B3GALT1: variants seen among roughly 807,000 people sequenced by gnomAD.
The protein encoded by B3GALT1 is UDP-Gal:betaGlcNAc beta 1,3-galactosyltransferase, polypeptide 1.
B3GALT1 carries 10 observed loss-of-function variants against 23.2 expected under a neutral mutation model. That is an observed-to-expected ratio of 0.43 (90% CI 0.27 to 0.73). The LOEUF (loss-of-function observed/expected upper bound fraction) is 0.73. Among genes scored for constraint, B3GALT1 ranks in the 30% least tolerant of loss-of-function variants. The pLI is 0.21. For missense variants in B3GALT1, 299 were observed against 405.4 expected, an observed-to-expected ratio of 0.74 and a Z score of 2.25; for synonymous variants, 156 against 141.5, an observed-to-expected ratio of 1.10 and a Z score of -0.73.
At chr2:167,857,357 G>T (rs1051506139) in intron 4 of B3GALT1, among the ~76,000 whole-genome samples, 5 of 152,056 alleles carry the variant, frequency 3.3e-5, no homozygotes, top group Non-Finnish European at 7.4e-5. Flanking sequence ...GAAGAGTCCA[G>T]CATAGCCTGA....
intron 2 of B3GALT1, among the ~76,000 whole-genome samples, chr2:167,542,703 C>G (rs1320290098): frequency 2.0e-5 from 3 of 151,958 alleles, no homozygotes; most frequent in Non-Finnish European, 4.4e-5. Context: ...AAGTGGAATT[C>G]TGCTTCTCCT....
intron 3 of B3GALT1, among the ~76,000 whole-genome samples, chr2:167,771,683 T>C (rs1178966802): frequency 1.3e-5 from 2 of 152,246 alleles, no homozygotes; most frequent in African/African-American, 2.4e-5. Flanking sequence ...GAATGTATTG[T>C]TTCATGTATA....
chr2:167,768,579 T>C (rs867572063), intron 3 of B3GALT1, among the ~76,000 whole-genome samples: 5 of 152,338 alleles, frequency 3.3e-5, no homozygotes, highest in African/African-American at 1.2e-4. Context: ...GACAGGAACA[T>C]ATTTATTCTC....
At chr2:167,785,739 G>C (rs1162078486) in intron 3 of B3GALT1, among the ~76,000 whole-genome samples, 1 of 152,196 alleles carries the variant, frequency 6.6e-6, no homozygotes, top group African/African-American at 2.4e-5. Context: ...TTCGTGCAGG[G>C]ATTTCCTTAT....
At position 167,706,579 on chromosome 2, in the gene B3GALT1, C is replaced by A. The variant is rs550252370; in HGVS notation, c.-352+59613C>A. ...ATAGTGAGATGGGAATAACAACAGA[C>A]TTTTCATTATCAGAAGACACAGCTG... is the stretch of plus-strand genomic sequence containing the variant. On this transcript the variant is annotated intron_variant, in intron 3 of 4. Transcript: ENST00000392690. Among the ~76,000 whole-genome samples, 9 of 152,326 alleles carry A rather than the reference C, an allele frequency of 5.9e-5. No individual in the cohort carries two copies. The South Asian group carries it at 1.9e-3, about 32-fold the overall frequency.
At chr2:167,382,400 A>G (rs751217786) in intron 1 of B3GALT1, among the ~76,000 whole-genome samples, 2 of 150,944 alleles carry the variant, frequency 1.3e-5, no homozygotes, top group Non-Finnish European at 3.0e-5. Context: ...GATGTTGCTT[A>G]TGGTTAAAAA....
intron 3 of B3GALT1, among the ~76,000 whole-genome samples, chr2:167,721,817 G>T (rs916598155): frequency 1.7e-4 from 26 of 152,202 alleles, no homozygotes; most frequent in Non-Finnish European, 2.9e-4. Context: ...GGGAGGGCTG[G>T]TCCTGTAGGC....
At chr2:167,336,450 A>C (rs1697058323) in intron 1 of B3GALT1, among the ~76,000 whole-genome samples, 1 of 152,166 alleles carries the variant, frequency 6.6e-6, no homozygotes, top group African/African-American at 2.4e-5. Context: ...CTGCTGCAGC[A>C]CTCTGAGCAG....
intron 3 of B3GALT1, among the ~76,000 whole-genome samples, chr2:167,808,864 T>C (rs1265482367): frequency 6.6e-6 from 1 of 152,214 alleles, no homozygotes; most frequent in Non-Finnish European, 1.5e-5. Flanking sequence ...TCCTGGATAA[T>C]ATCCTGCAGC....
At chr2:167,689,256 A>G (rs1012313777) in intron 3 of B3GALT1, among the ~76,000 whole-genome samples, 1 of 152,044 alleles carries the variant, frequency 6.6e-6, no homozygotes, top group Non-Finnish European at 1.5e-5. Context: ...GCCAGAACAC[A>G]TTGTGAAAGT....
intron 3 of B3GALT1, among the ~76,000 whole-genome samples, chr2:167,666,100 T>A (rs1686177873): frequency 6.6e-6 from 1 of 152,218 alleles, no homozygotes; most frequent in Admixed American, 6.5e-5. Context: ...GCTGTAAATT[T>A]CCCTCTACAC....
chr2:167,534,188 C>T (rs567282859), intron 2 of B3GALT1, among the ~76,000 whole-genome samples: 1 of 152,202 alleles, frequency 6.6e-6, no homozygotes, highest in Non-Finnish European at 1.5e-5. Flanking sequence ...ATTTTTAGCC[C>T]TTAACTCCGA....
intron 2 of B3GALT1, among the ~76,000 whole-genome samples, chr2:167,492,724 A>G (rs915448137): frequency 5.9e-5 from 9 of 152,172 alleles, no homozygotes; most frequent in African/African-American, 2.2e-4. Flanking sequence ...AATAAACTGT[A>G]AAAGAGAGTG....
At chr2:167,293,780 A>G (rs1048088645) in intron 1 of B3GALT1, among the ~76,000 whole-genome samples, 2 of 152,042 alleles carry the variant, frequency 1.3e-5, no homozygotes, top group Non-Finnish European at 2.9e-5. Flanking sequence ...TGCGGTGATT[A>G]AAAGGAGCTG....
Position 167,727,069 on chromosome 2 carries a change from G to T in B3GALT1, c.-352+80103G>T, listed in dbSNP as rs557219626. Among the ~76,000 whole-genome samples, 14 of 152,144 alleles carry T rather than the reference G, an allele frequency of 9.2e-5. No homozygotes were observed. In the South Asian group the frequency reaches 2.9e-3, roughly 32 times the overall value. ...ATTAAATCAGAGTAGTTTGCTTCAG[G>T]CCAGAAGATCATTGACCAGTACAAG... On this transcript the variant is annotated intron_variant, in intron 3 of 4. Transcript: ENST00000392690.
chr2:167,773,836 C>G (rs1468062753), intron 3 of B3GALT1, among the ~76,000 whole-genome samples: 1 of 152,204 alleles, frequency 6.6e-6, no homozygotes, highest in Admixed American at 6.5e-5. Flanking sequence ...ATAACCAAGT[C>G]CAAGTGGTCA....
At chr2:167,619,783 A>C (rs1380231313) in intron 2 of B3GALT1, among the ~76,000 whole-genome samples, 1 of 152,100 alleles carries the variant, frequency 6.6e-6, no homozygotes, top group Non-Finnish European at 1.5e-5. Flanking sequence ...AAACTAATTA[A>C]TTTTTAAAAG....
At chr2:167,770,547 T>G (rs1420639203) in intron 3 of B3GALT1, among the ~76,000 whole-genome samples, 2 of 152,224 alleles carry the variant, frequency 1.3e-5, no homozygotes, top group Non-Finnish European at 2.9e-5. Context: ...ATTTGGAGAT[T>G]ATTTTCTTTC....
intron 2 of B3GALT1, among the ~76,000 whole-genome samples, chr2:167,561,757 A>G (rs1205154761): frequency 6.6e-6 from 1 of 152,238 alleles, no homozygotes; most frequent in African/African-American, 2.4e-5. Flanking sequence ...CTAAACCAAG[A>G]AGAAGTTGAA....
Sources: gnomAD v4.1 joint callset for allele counts (sites outside exome capture counted in the v4.1 genomes callset) on GRCh38, gnomAD v4.1.1 for gene constraint, MANE v1.5 for transcripts, NCBI Gene and HGNC (gene_info 2026-07-23, HGNC 2026-07-21) for gene names.